Variants in PKNOX2 observed in about 807,000 individuals in gnomAD.
PKNOX2 encodes the protein PBX/knotted 1 homeobox 2, also known as homeobox protein PKNOX2.
PKNOX2 carries 14 observed loss-of-function variants against 53.1 expected under a neutral mutation model. That is an observed-to-expected ratio of 0.26 (90% confidence interval 0.17 to 0.41). PKNOX2 has a LOEUF of 0.41. Ranked by LOEUF, PKNOX2 falls within the 10% of genes least tolerant of loss-of-function variation. The pLI is 1.00. For missense variants in PKNOX2, 496 were observed against 602.8 expected (o/e 0.82, Z 1.85); for synonymous variants, 257 against 242.8 (o/e 1.06, Z -0.54).
chr11:125,342,461 T>A (rs1466137807), intron 3 of PKNOX2, among the ~76,000 whole-genome samples: 1 of 152,156 alleles, frequency 6.6e-6, no homozygotes, highest in Non-Finnish European at 1.5e-5. Flanking sequence ...AGGGCCCTCC[T>A]GACTGCCTCA....
At chr11:125,355,583 G>A (rs558106246) in intron 4 of PKNOX2, among the ~76,000 whole-genome samples, 20 of 152,298 alleles carry the variant, frequency 1.3e-4, no homozygotes, top group Non-Finnish European at 2.4e-4. Context: ...GTGAGCCTCA[G>A]TTCAGTGCGT....
At position 125,382,426 on chromosome 11, in the gene PKNOX2, G is replaced by C. The variant is rs181845664; in HGVS notation, c.228-3125G>C. ...CAGCTGCCACGGGGTTGCAGCGGGG[G>C]CCGCACCCCCACCACCTGGCACGAT... On this transcript the variant is annotated intron_variant, in intron 5 of 12. Coordinates refer to ENST00000298282, the MANE Select transcript of PKNOX2 (RefSeq NM_001382323.2). Among the ~76,000 whole-genome samples, 225 of 152,318 alleles carry C rather than the reference G, an allele frequency of 1.5e-3. 4 individuals are homozygous for C. The highest frequency in any genetic ancestry group is 3.7e-3 in the African/African-American group (154 of 41,568).
intron 1 of PKNOX2, among the ~76,000 whole-genome samples, chr11:125,185,552 ATC>A (rs112142063): frequency 0.031 from 4,662 of 152,164 alleles, 255 homozygotes; most frequent in African/African-American, 0.11. Context: ...TCCACTTTCT[ATC>A]TCTATGAATT....
rs551718165 is a variant in PKNOX2 at position 125,267,024 on chromosome 11, A to G, written c.-130+31909A>G. On this transcript the variant is annotated intron_variant, in intron 2 of 12. Transcript: ENST00000298282. ...GATTTCTCTGAGACAGAGGCTGTTT[A>G]GAGGCCATGAGAGGGAGGGGTTTTG... 2.0e-5 allele frequency among the ~76,000 whole-genome samples: 3 copies of G among 152,318 alleles called. No individual in the cohort carries two copies. The South Asian group carries it at 6.2e-4, about 32-fold the overall frequency.
At chr11:125,172,062 C>T (rs189879933) in intron 1 of PKNOX2, among the ~76,000 whole-genome samples, 2 of 152,316 alleles carry the variant, frequency 1.3e-5, no homozygotes, top group East Asian at 3.9e-4. Context: ...TAGAGGAGGA[C>T]TGGCTGAGCG....
chr11:125,181,715 C>A (rs1024116263), intron 1 of PKNOX2, among the ~76,000 whole-genome samples: 1 of 152,204 alleles, frequency 6.6e-6, no homozygotes, highest in Non-Finnish European at 1.5e-5. Flanking sequence ...GTGAGCCCCT[C>A]AGGATCTAGC....
chr11:125,391,594 A>C (rs12416732), intron 6 of PKNOX2, among the ~76,000 whole-genome samples: 8,911 of 152,310 alleles, frequency 0.059, 376 homozygotes, highest in African/African-American at 0.11. Flanking sequence ...TCAAAATATC[A>C]AGGCAGAAAA....
chr11:125,295,035 G>A (rs1394115849), intron 2 of PKNOX2, among the ~76,000 whole-genome samples: 2 of 152,208 alleles, frequency 1.3e-5, no homozygotes, highest in Non-Finnish European at 2.9e-5. Context: ...TCAGTTTGGT[G>A]GTGGCCTTCT....
At chr11:125,368,308 T>C (rs1952307059) in intron 5 of PKNOX2, among the ~76,000 whole-genome samples, 1 of 152,154 alleles carries the variant, frequency 6.6e-6, no homozygotes, top group African/African-American at 2.4e-5. Context: ...TTCCTCGCCC[T>C]GTGTCCTGTT....
chr11:125,347,793 G>T (rs1251596128), intron 3 of PKNOX2, among the ~76,000 whole-genome samples: 1 of 152,118 alleles, frequency 6.6e-6, no homozygotes, highest in Admixed American at 6.5e-5. Context: ...TATCATAAAG[G>T]TTTTCAGCAC....
At chr11:125,229,471 T>G (rs1346820055) in intron 1 of PKNOX2, among the ~76,000 whole-genome samples, 1 of 152,202 alleles carries the variant, frequency 6.6e-6, no homozygotes, top group Non-Finnish European at 1.5e-5. Flanking sequence ...GTTTAGATGT[T>G]GGCAGATATA....
chr11:125,303,492 G>GTGGA (rs1011834660), intron 2 of PKNOX2, among the ~76,000 whole-genome samples: 2 of 152,126 alleles, frequency 1.3e-5, no homozygotes, highest in African/African-American at 4.8e-5. Flanking sequence ...GTCTGGATAC[G>GTGGA]TGGATGGTGA....
chr11:125,416,079 G>A (rs938629507), intron 10 of PKNOX2, among the ~76,000 whole-genome samples: 3 of 151,834 alleles, frequency 2.0e-5, no homozygotes, highest in Non-Finnish European at 4.4e-5. Context: ...CGAGGCGGGC[G>A]GATCACGAGG....
chr11:125,393,484 TG>T (rs1954204883), intron 6 of PKNOX2, among the ~76,000 whole-genome samples: 1 of 152,156 alleles, frequency 6.6e-6, no homozygotes, highest in Non-Finnish European at 1.5e-5. Context: ...AGATGCAGCC[TG>T]TGTCCTGATG....
At chr11:125,281,183 C>G (rs922616254) in intron 2 of PKNOX2, among the ~76,000 whole-genome samples, 3 of 152,192 alleles carry the variant, frequency 2.0e-5, no homozygotes, top group African/African-American at 7.2e-5. Context: ...TGCAAGAGCT[C>G]GTGGCCAGCA....
intron 2 of PKNOX2, among the ~76,000 whole-genome samples, chr11:125,237,211 A>G (rs61912983): frequency 0.17 from 25,249 of 152,186 alleles, 2,206 homozygotes; most frequent in African/African-American, 0.2. Flanking sequence ...ACAATATGGC[A>G]GCTTGATTCC....
chr11:125,214,974 C>A (rs1453790971), intron 1 of PKNOX2, among the ~76,000 whole-genome samples: 2 of 152,044 alleles, frequency 1.3e-5, no homozygotes, highest in Non-Finnish European at 2.9e-5. Flanking sequence ...GGCTGTGTAT[C>A]TGGTGACTTC....
chr11:125,331,877 G>T lies in PKNOX2; in HGVS notation c.-71G>T. 6.6e-6 allele frequency: 1 copy of T among 152,360 alleles called. No homozygotes were observed. 9.4% of individuals were successfully genotyped at this position (152,360 alleles called of 1,614,324 possible). A position where few individuals can be genotyped will look rare whatever the true frequency, so the allele number is the denominator to read the frequency against. The stretch of plus-strand genomic sequence containing the variant: ...GGCCCAGCTGGAAGTAGAAAGAGGG[G>T]AGTGAGTCTCCTGAGGACCATCTCA... On this transcript the variant is annotated 5_prime_UTR_variant, in exon 3 of 13. Coordinates refer to ENST00000298282, the MANE Select transcript of PKNOX2 (RefSeq NM_001382323.2).
At chr11:125,323,016 C>T (rs1386368734) in intron 2 of PKNOX2, among the ~76,000 whole-genome samples, 1 of 152,128 alleles carries the variant, frequency 6.6e-6, no homozygotes, top group Non-Finnish European at 1.5e-5. Flanking sequence ...GCAAGGAGTC[C>T]CCTGATGCAG....
Sources: gnomAD v4.1 joint callset for allele counts (sites outside exome capture counted in the v4.1 genomes callset) on GRCh38, gnomAD v4.1.1 for gene constraint, MANE v1.5 for transcripts, NCBI Gene and HGNC (gene_info 2026-07-23, HGNC 2026-07-21) for gene names.